ESR2: variants seen among roughly 807,000 people sequenced by gnomAD.
ESR2 encodes estrogen receptor beta.
In ESR2, 36 loss-of-function variants were observed where a neutral mutation model predicts 49.6. The observed-to-expected ratio is 0.73, with a 90% CI of 0.56 to 0.96. The LOEUF (loss-of-function observed/expected upper bound fraction) is 0.96, where lower values mean the gene tolerates loss of function less well. Among genes scored for constraint, ESR2 ranks in the 40% least tolerant of loss-of-function variants. ESR2 has a pLI of 0.00. For synonymous variants in ESR2, 320 were observed against 266.1 expected, an observed-to-expected ratio of 1.20 and a Z score of -1.97; for missense variants, 714 against 693.0, an observed-to-expected ratio of 1.03 and a Z score of -0.34.
chr14:64,299,628 C>G lies in ESR2; in HGVS notation c.-90-16553G>C, dbSNP rs916563760. 2.4e-4 allele frequency among the ~76,000 whole-genome samples: 36 copies of G among 152,264 alleles called. No individual in the cohort carries two copies. The South Asian group carries it at 7.5e-3, about 32-fold the overall frequency. On this transcript the variant is annotated intron_variant, in intron 1 of 8. Coordinates refer to the ESR2 transcript ENST00000358599. ...CCACCCGCCTCCGCCTCCCAAAGTGCTGGGATTACAGGCGTCAGCCACCGC... is the reference window on the plus strand; with the variant it reads ...CCACCCGCCTCCGCCTCCCAAAGTGGTGGGATTACAGGCGTCAGCCACCGC...
At chr14:64,286,216 C>A (rs1349678589) in intron 1 of ESR2, among the ~76,000 whole-genome samples, 1 of 152,026 alleles carries the variant, frequency 6.6e-6, no homozygotes, top group Non-Finnish European at 1.5e-5. Flanking sequence ...AGAATGGTAG[C>A]TGGAGAAGGA....
rs1299626900 is a variant in ESR2 at position 64,229,264 on chromosome 14, C to T, written c.*3873G>A. Among the ~76,000 whole-genome samples, 1 of 152,234 alleles carries T rather than the reference C, an allele frequency of 6.6e-6. No homozygotes were observed. Among genetic ancestry groups the T allele is most frequent in the Non-Finnish European group, 1.5e-5 (1 of 68,012 alleles). ...ACTTCACCGCCCCTCCATTCTGCTG[C>T]GACTCAGCTCACAAAGCAGATTCTC... On this transcript the variant is annotated 3_prime_UTR_variant, in exon 9 of 9. Transcript: ENST00000341099.
chr14:64,242,895 AT>A (rs2075768339), intron 7 of ESR2, among the ~76,000 whole-genome samples: 1 of 152,258 alleles, frequency 6.6e-6, no homozygotes, highest in Non-Finnish European at 1.5e-5. Context: ...AAGCCTCACA[AT>A]CATGGCAGAA....
chr14:64,260,139 T>TA (rs949540706), intron 5 of ESR2: 9 of 589,394 alleles, frequency 1.5e-5, no homozygotes, highest in Non-Finnish European at 2.9e-5. Context: ...GGGATGCATC[T>TA]AGCCATGGGA....
chr14:64,302,596 T>A (rs1189244072), intron 1 of ESR2, among the ~76,000 whole-genome samples: 1 of 152,194 alleles, frequency 6.6e-6, no homozygotes, highest in African/African-American at 2.4e-5. Context: ...CACAAGCCAC[T>A]GGGTGATTTC....
rs1202705345 is a variant in ESR2 at position 64,230,511 on chromosome 14, A to G, written c.*2626T>C. 6.6e-6 allele frequency among the ~76,000 whole-genome samples: 1 copy of G among 152,142 alleles called. No homozygotes were observed. Among genetic ancestry groups the G allele is most frequent in the Non-Finnish European group, 1.5e-5 (1 of 68,038 alleles). Reference sequence around the variant, plus strand: ...TATTCCAGACCAAGACTCGCACTGTACAGCTCCTGCCGATTTTGCACTATT... The same window carrying G: ...TATTCCAGACCAAGACTCGCACTGTGCAGCTCCTGCCGATTTTGCACTATT... On this transcript the variant is annotated 3_prime_UTR_variant, in exon 9 of 9. Transcript: ENST00000341099.
At chr14:64,256,756 CAAAACAAAAA>C (rs1280639059) in intron 6 of ESR2, among the ~76,000 whole-genome samples, 1 of 150,434 alleles carries the variant, frequency 6.6e-6, no homozygotes, top group Non-Finnish European at 1.5e-5. Context: ...CAAAACAAAA[CAAAACAAAAA>C]AAAACAAAAG....
At chr14:64,237,166 T>C (rs529053016) in intron 7 of ESR2, among the ~76,000 whole-genome samples, 29 of 152,224 alleles carry the variant, frequency 1.9e-4, no homozygotes, top group Admixed American at 9.8e-4. Context: ...TTCACCATGC[T>C]GGCCAGGCTG....
intron 3 of ESR2, among the ~76,000 whole-genome samples, chr14:64,273,254 C>T (rs1193607641): frequency 1.3e-5 from 2 of 152,226 alleles, no homozygotes; most frequent in Admixed American, 1.3e-4. Flanking sequence ...ATAAGATCAT[C>T]AGCAAACTAG....
At position 64,313,748 on chromosome 14, in the gene ESR2, G is replaced by A. The variant is rs145681424; in HGVS notation, c.-91+24150C>T. 5.6e-3 allele frequency among the ~76,000 whole-genome samples: 843 copies of A among 151,332 alleles called. 11 individuals are homozygous for A. Among genetic ancestry groups the A allele is most frequent in the African/African-American group, 0.02 (814 of 41,270 alleles). Reference sequence around the variant, plus strand: ...AAAAAAATTAGCCAGGCGTGGTGGCGGGTGCCTGTAGTCCCAGCTACTCGG... The same window carrying A: ...AAAAAAATTAGCCAGGCGTGGTGGCAGGTGCCTGTAGTCCCAGCTACTCGG... On this transcript the variant is annotated intron_variant, in intron 1 of 8. Transcript: ENST00000358599.
At chr14:64,228,176 C>A (rs2098723871), downstream of ESR2, 2 of 695,868 alleles carry the variant, frequency 2.9e-6, no homozygotes, top group South Asian at 4.1e-5. Context: ...TGTTCAGGTG[C>A]CCTTTCCCAG....
At chr14:64,253,383 G>GT (rs2076027745) in intron 6 of ESR2, among the ~76,000 whole-genome samples, 1 of 151,494 alleles carries the variant, frequency 6.6e-6, no homozygotes, top group Non-Finnish European at 1.5e-5. Flanking sequence ...TAAAGAAGGG[G>GT]TTTCATCATG....
At chr14:64,245,509 CAAAAAAA>C (rs56160081) in intron 7 of ESR2, among the ~76,000 whole-genome samples, 18 of 65,466 alleles carry the variant, frequency 2.7e-4, no homozygotes, top group East Asian at 1.8e-3. Flanking sequence ...AAGACTCTGT[CAAAAAAA>C]AAAAAAAAAA....
In ESR2 at chr14:64,260,681, G is replaced by A; in HGVS notation, c.720C>T (p.His240=). ...CACTTCTCTTGGCCTTGCCGGCACA[G>A]TGCAGCTGCTCGTCGGCACTTCTCT... ...RRQRSADEQL[H]CAGKAKRSGG... is the part of the protein sequence containing the mutation. Residue 240 remains histidine, a synonymous_variant, in exon 5 of 9, where the codon CAC becomes CAT. Coordinates refer to ENST00000341099, the MANE Select transcript of ESR2 (RefSeq NM_001437.3). 1 of 1,558,924 alleles carries A rather than the reference G, an allele frequency of 6.4e-7. No homozygotes were observed. Among genetic ancestry groups the A allele is most frequent in the Non-Finnish European group, 8.7e-7 (1 of 1,148,582 alleles).
chr14:64,324,561 G>A (rs953035100), intron 1 of ESR2, among the ~76,000 whole-genome samples: 2 of 152,020 alleles, frequency 1.3e-5, no homozygotes, highest in Non-Finnish European at 2.9e-5. Flanking sequence ...TTTCCTTCCA[G>A]GTATTTCAAG....
chr14:64,293,275 G>A (rs2076902203), intron 1 of ESR2, among the ~76,000 whole-genome samples: 1 of 152,120 alleles, frequency 6.6e-6, no homozygotes, highest in Non-Finnish European at 1.5e-5. Context: ...ACGAAACTTA[G>A]AGCAAAAGTA....
At chr14:64,295,352 C>T (rs2140855613), upstream of ESR2, among the ~76,000 whole-genome samples, 1 of 152,286 alleles carries the variant, frequency 6.6e-6, no homozygotes, top group East Asian at 1.9e-4. Flanking sequence ...CCAGCCTCAG[C>T]TGTTTGGTGT....
At position 64,260,653 on chromosome 14, in the gene ESR2, C is replaced by T. The variant is rs201239439; in HGVS notation, c.748G>A (p.Gly250Ser). 680 of 1,599,150 alleles carry T rather than the reference C, an allele frequency of 4.3e-4. 4 individuals are homozygous for T. In the South Asian group the frequency reaches 4.3e-3, roughly 10 times the overall value. ...HCAGKAKRSGGHAPRVRELLL... is the reference protein window; with the variant it reads ...HCAGKAKRSGSHAPRVRELLL... ...AGCTCCCGCACTCGGGGCGCGTGGCCGCCACTTCTCTTGGCCTTGCCGGCA... is the reference window on the plus strand; with the variant it reads ...AGCTCCCGCACTCGGGGCGCGTGGCTGCCACTTCTCTTGGCCTTGCCGGCA... Residue 250 changes from glycine to serine, a missense_variant, in exon 5 of 9, where the codon GGC (glycine) becomes AGC (serine). Coordinates refer to ENST00000341099, the MANE Select transcript of ESR2 (RefSeq NM_001437.3).
chr14:64,246,572 C>G (rs925543507), intron 7 of ESR2, among the ~76,000 whole-genome samples: 1 of 151,248 alleles, frequency 6.6e-6, no homozygotes, highest in Non-Finnish European at 1.5e-5. Context: ...ACTAAAAATA[C>G]AAAAATTAGC....
Sources: allele counts gnomAD v4.1 joint callset (sites outside exome capture counted in the v4.1 genomes callset), GRCh38; gene constraint gnomAD v4.1.1; transcripts MANE v1.5; gene names NCBI Gene and HGNC (gene_info 2026-07-23, HGNC 2026-07-21).